ATP9B: variants seen among roughly 807,000 people sequenced by gnomAD.
ATP9B encodes probable phospholipid-transporting ATPase IIB.
Under a neutral mutation model 146.1 loss-of-function variants are expected in ATP9B, and 110 were observed. That is an observed-to-expected ratio of 0.75 (90% confidence interval 0.65 to 0.88). The LOEUF (loss-of-function observed/expected upper bound fraction) is 0.88, where lower values mean the gene tolerates loss of function less well. ATP9B is among the 40% of genes least tolerant of loss of function. The pLI, the probability that ATP9B is intolerant of heterozygous loss-of-function variation, is 0.00. For synonymous variants in ATP9B, 604 were observed against 569.7 expected (o/e 1.06, Z -0.86); for missense variants, 1,499 against 1,496.4 (o/e 1.00, Z -0.03).
intron 15 of ATP9B, among the ~76,000 whole-genome samples, chr18:79,323,347 T>C (rs2096726602): frequency 6.6e-6 from 1 of 152,218 alleles, no homozygotes; most frequent in African/African-American, 2.4e-5. Context: ...TCAGTGAAGG[T>C]CACCCTATCA....
intron 1 of ATP9B, chr18:79,085,228 T>A (rs146343905): frequency 6.6e-6 from 1 of 152,146 alleles, no homozygotes; most frequent in Non-Finnish European, 1.5e-5. Context: ...AACACACTTA[T>A]CAATCACCAT....
chr18:79,238,388 C>T lies in ATP9B; in HGVS notation c.1108-14993C>T, dbSNP rs550137634. ...GTGGTGATTGTGGGCATCACGTCTC[C>T]GGTGCAGGCCAGGAACACATCAGGA... On this transcript the variant is annotated intron_variant, in intron 11 of 29. Coordinates refer to ENST00000426216, the MANE Select transcript of ATP9B (RefSeq NM_198531.5). Among the ~76,000 whole-genome samples the T allele has an allele frequency of 6.6e-5, 10 of 152,264 alleles. No individual in the cohort carries two copies. In the South Asian group the frequency reaches 1.7e-3, roughly 25 times the overall value.
intron 7 of ATP9B, among the ~76,000 whole-genome samples, chr18:79,167,053 T>C (rs2094978589): frequency 6.6e-6 from 1 of 152,062 alleles, no homozygotes; most frequent in South Asian, 2.1e-4. Context: ...AACGTGGCCC[T>C]AGGAGGCTTG....
In ATP9B at chr18:79,239,548, C is replaced by T. The variant is rs557990926; in HGVS notation, c.1108-13833C>T. Among the ~76,000 whole-genome samples, 23 of 152,190 alleles carry T rather than the reference C, an allele frequency of 1.5e-4. No individual in the cohort carries two copies. The highest frequency in any genetic ancestry group is 2.6e-4 in the Admixed American group (4 of 15,292). On this transcript the variant is annotated intron_variant, in intron 11 of 29. Coordinates refer to ENST00000426216, the MANE Select transcript of ATP9B (RefSeq NM_198531.5). This position sits in a 1 kb window ranked among gnomAD's most constrained non-coding sequence, Gnocchi z 5.1. ...ATTGTCTTCAGAGGATGATTTCCTT[C>T]AACCTGGAGTCATTGTGCCGCCATT... is the stretch of plus-strand genomic sequence containing the variant.
At chr18:79,121,587 A>G (rs1320100502) in intron 4 of ATP9B, among the ~76,000 whole-genome samples, 3 of 152,200 alleles carry the variant, frequency 2.0e-5, no homozygotes, top group East Asian at 3.8e-4. Context: ...AGAAGGAAAT[A>G]GTGGCCTCAA....
chr18:79,208,753 G>GTA (rs1193752391), intron 10 of ATP9B, among the ~76,000 whole-genome samples: 24 of 151,254 alleles, frequency 1.6e-4, no homozygotes, highest in Middle Eastern at 3.2e-3. Context: ...GTGTGTGTGT[G>GTA]TATATATATA....
At chr18:79,120,893 G>A (rs1287876960) in intron 4 of ATP9B, among the ~76,000 whole-genome samples, 1 of 152,060 alleles carries the variant, frequency 6.6e-6, no homozygotes, top group Admixed American at 6.5e-5. Context: ...CTCTTTTCTC[G>A]TGTGCGTGTC....
intron 11 of ATP9B, among the ~76,000 whole-genome samples, chr18:79,242,333 C>G (rs187730756): frequency 1.5e-4 from 23 of 152,290 alleles, no homozygotes; most frequent in Admixed American, 2.6e-4. Context: ...ATTTAGAGAA[C>G]AAGAAGAATA....
chr18:79,099,713 C>T (rs111357314), intron 2 of ATP9B, among the ~76,000 whole-genome samples: 11,068 of 152,174 alleles, frequency 0.073, 550 homozygotes, highest in East Asian at 0.19. Context: ...TGATCCACCT[C>T]AGCCTCCCAA....
At chr18:79,102,493 C>G (rs1220337564) in intron 2 of ATP9B, among the ~76,000 whole-genome samples, 1 of 152,172 alleles carries the variant, frequency 6.6e-6, no homozygotes, top group Non-Finnish European at 1.5e-5. Context: ...TCTTCTCCAT[C>G]TCATCAGTGT....
chr18:79,256,099 T>C (rs2096074263), intron 12 of ATP9B, among the ~76,000 whole-genome samples: 1 of 151,710 alleles, frequency 6.6e-6, no homozygotes, highest in African/African-American at 2.4e-5. Flanking sequence ...TCTATAAATA[T>C]CCATTAGATT....
chr18:79,371,127 A>C (rs2097066846), intron 26 of ATP9B, among the ~76,000 whole-genome samples: 1 of 152,128 alleles, frequency 6.6e-6, no homozygotes, highest in African/African-American at 2.4e-5. Flanking sequence ...TAATCCCAGC[A>C]CTTTGGGAGG....
intron 11 of ATP9B, among the ~76,000 whole-genome samples, chr18:79,218,087 G>T (rs550565708): frequency 1.3e-5 from 2 of 152,188 alleles, no homozygotes; most frequent in Non-Finnish European, 2.9e-5. Context: ...CTCATACTCC[G>T]CAGTGGCTTC....
chr18:79,203,578 C>G (rs1000496479), intron 9 of ATP9B, among the ~76,000 whole-genome samples: 1 of 152,134 alleles, frequency 6.6e-6, no homozygotes, highest in African/African-American at 2.4e-5. Flanking sequence ...ATTGCCTATT[C>G]TGTGCTAGGT....
At chr18:79,101,738 C>A (rs755287134) in intron 2 of ATP9B, among the ~76,000 whole-genome samples, 15 of 152,142 alleles carry the variant, frequency 9.9e-5, no homozygotes, top group Non-Finnish European at 2.2e-4. Context: ...TTGTGTTTTT[C>A]ATTCCCATTT....
At chr18:79,090,029 C>G (rs1202569640) in intron 1 of ATP9B, among the ~76,000 whole-genome samples, 1 of 152,182 alleles carries the variant, frequency 6.6e-6, no homozygotes, top group Non-Finnish European at 1.5e-5. Context: ...TGATATTTAT[C>G]TTTCTGTACT....
In ATP9B at chr18:79,203,610, A is replaced by ACCT. The variant is rs1390471212; in HGVS notation, c.955-3327_955-3326insCCT. On this transcript the variant is annotated intron_variant, in intron 9 of 29. Coordinates refer to ENST00000426216, the MANE Select transcript of ATP9B (RefSeq NM_198531.5). Reference sequence around the variant, plus strand: ...AGGTGCTAGGAAGGTAATACCCATAAAATATGGGATTAGAAACATGTCAAT... The same window carrying ACCT: ...AGGTGCTAGGAAGGTAATACCCATAACCTAATATGGGATTAGAAACATGTCAAT... Among the ~76,000 whole-genome samples, 997 of 152,336 alleles carry ACCT rather than the reference A, an allele frequency of 6.5e-3. 4 individuals carry two copies. Among genetic ancestry groups the ACCT allele is most frequent in the African/African-American group, 0.022 (932 of 41,558 alleles).
chr18:79,189,278 C>T (rs974642961), intron 8 of ATP9B, among the ~76,000 whole-genome samples: 1 of 151,866 alleles, frequency 6.6e-6, no homozygotes, highest in African/African-American at 2.4e-5. Flanking sequence ...ACCTGGGAGG[C>T]GGAGGTTGCA....
chr18:79,100,944 T>TC (rs1265488990), intron 2 of ATP9B, among the ~76,000 whole-genome samples: 2 of 152,052 alleles, frequency 1.3e-5, no homozygotes, highest in African/African-American at 4.8e-5. Flanking sequence ...CTCAATCACC[T>TC]CCCACAACAG....
Sources: gnomAD v4.1 joint callset for allele counts (sites outside exome capture counted in the v4.1 genomes callset) on GRCh38, gnomAD v4.1.1 for gene constraint, Gnocchi (gnomAD v3.1) non-coding constraint, MANE v1.5 for transcripts, NCBI Gene and HGNC (gene_info 2026-07-23, HGNC 2026-07-21) for gene names.